ALDH8A1: variants seen among roughly 807,000 people sequenced by gnomAD.
ALDH8A1 encodes the protein aldehyde dehydrogenase 8 family member A1.
Under a neutral mutation model 43.3 loss-of-function variants are expected in ALDH8A1, and 39 were observed. The observed-to-expected ratio is 0.90, with a 90% CI of 0.70 to 1.18. ALDH8A1 has a LOEUF of 1.18. ALDH8A1 is among the 50% of genes most tolerant of loss of function. The probability of loss-of-function intolerance (pLI) is 0.00; values close to 1 mark genes in which losing one functional copy is unlikely to be tolerated. For missense variants in ALDH8A1, 605 were observed against 622.6 expected (o/e 0.97, Z 0.30); for synonymous variants, 233 against 243.5 (o/e 0.96, Z 0.40).
intron 4 of ALDH8A1, 57 bp downstream of exon 4, chr6:134,939,209 T>A (rs539143702): frequency 6.3e-7 from 1 of 1,589,750 alleles, no homozygotes; most frequent in East Asian, 2.3e-5. Flanking sequence ...AAGATTTCTA[T>A]AAACTATAGG....
rs765436859 is a variant in ALDH8A1 at position 134,918,516 on chromosome 6, G to C, written c.1363C>G (p.Leu455Val). Residue 455 changes from leucine to valine, a missense_variant, in exon 7 of 7, where the codon CTT becomes GTT. By Grantham distance (32) the Leu-to-Val change is conservative. Coordinates refer to ENST00000265605, the MANE Select transcript of ALDH8A1 (RefSeq NM_022568.4). ...GAACTCTTCATCCCCCCGAAAGGAA[G>C]GTTCAGCTCCCTGATGAGCCAGCAG... ...TNCWLIRELN[L>V]PFGGMKSSGI... The C allele has an allele frequency of 1.2e-6, 2 of 1,614,192 alleles. No individual in the cohort carries two copies. Among genetic ancestry groups the C allele is most frequent in the Non-Finnish European group, 1.7e-6 (2 of 1,180,036 alleles).
chr6:134,936,769 C>T (rs1178885100), intron 4 of ALDH8A1, among the ~76,000 whole-genome samples: 1 of 152,186 alleles, frequency 6.6e-6, no homozygotes, highest in Non-Finnish European at 1.5e-5. Flanking sequence ...CATTATTTCT[C>T]AGTACCATTT....
At chr6:134,936,148 A>G (rs572321575) in intron 4 of ALDH8A1, among the ~76,000 whole-genome samples, 112 of 152,284 alleles carry the variant, frequency 7.4e-4, no homozygotes, top group African/African-American at 2.6e-3. Context: ...ATGGGATTTC[A>G]CCACGTTAGC....
intron 1 of ALDH8A1, among the ~76,000 whole-genome samples, 183 bp downstream of exon 1, chr6:134,949,733 G>T (rs929271677): frequency 6.6e-6 from 1 of 152,148 alleles, no homozygotes; most frequent in African/African-American, 2.4e-5. Flanking sequence ...TATAGGAAGA[G>T]ATTTGTTCTA....
chr6:134,933,998 C>T (rs1055127809), intron 4 of ALDH8A1, among the ~76,000 whole-genome samples: 11 of 152,134 alleles, frequency 7.2e-5, no homozygotes, highest in African/African-American at 1.7e-4. Flanking sequence ...CATGAGCCAC[C>T]GCGCCCAGCC....
chr6:134,942,199 G>A (rs1029918810), intron 3 of ALDH8A1: 25 of 494,478 alleles, frequency 5.1e-5, no homozygotes, highest in African/African-American at 5.9e-5. Context: ...CAGCCTGGGC[G>A]ACAGAGCAAG....
chr6:134,919,746 G>T (rs1342196648), intron 6 of ALDH8A1, among the ~76,000 whole-genome samples: 1 of 152,054 alleles, frequency 6.6e-6, no homozygotes, highest in Non-Finnish European at 1.5e-5. Context: ...TAATATTTTG[G>T]ATTTTTACTT....
At chr6:134,924,559 A>C (rs1562251580) in intron 6 of ALDH8A1, among the ~76,000 whole-genome samples, 1 of 152,236 alleles carries the variant, frequency 6.6e-6, no homozygotes, top group Non-Finnish European at 1.5e-5. Context: ...GGCTATGCCC[A>C]GAATCCATCA....
chr6:134,929,271 C>T, intron 5 of ALDH8A1, 56 bp from the exon 6 acceptor site: 1 of 1,574,634 alleles, frequency 6.4e-7, no homozygotes, highest in South Asian at 1.2e-5. Context: ...ATGGATAGAG[C>T]ACCCTGCACT....
intron 5 of ALDH8A1, among the ~76,000 whole-genome samples, chr6:134,930,672 T>C (rs2114689100): frequency 6.6e-6 from 1 of 152,324 alleles, no homozygotes; most frequent in African/African-American, 2.4e-5. Context: ...GGGAAATGTC[T>C]AAACACTTGA....
At chr6:134,927,154 T>C (rs1776897590) in intron 6 of ALDH8A1, among the ~76,000 whole-genome samples, 1 of 152,192 alleles carries the variant, frequency 6.6e-6, no homozygotes, top group African/African-American at 2.4e-5. Context: ...GGTGAGGGCA[T>C]GTTGCCTATG....
chr6:134,945,577 C>G (rs879269715), intron 1 of ALDH8A1, among the ~76,000 whole-genome samples: 1 of 152,168 alleles, frequency 6.6e-6, no homozygotes, highest in Non-Finnish European at 1.5e-5. Flanking sequence ...CCAGAGATGA[C>G]AAATCCCTAA....
chr6:134,943,598 G>C (rs1773899012), intron 2 of ALDH8A1, among the ~76,000 whole-genome samples: 1 of 152,134 alleles, frequency 6.6e-6, no homozygotes, highest in Non-Finnish European at 1.5e-5. Context: ...CTCAGCTTTT[G>C]GATCCAGCCA....
intron 5 of ALDH8A1, among the ~76,000 whole-genome samples, chr6:134,929,572 G>A (rs1245454086): frequency 6.6e-6 from 1 of 152,156 alleles, no homozygotes; most frequent in Non-Finnish European, 1.5e-5. Flanking sequence ...CTTGACTGAT[G>A]TGAAGGCATG....
intron 3 of ALDH8A1, chr6:134,941,545 C>T (rs1335603441): frequency 1.3e-5 from 2 of 152,290 alleles, no homozygotes; most frequent in African/African-American, 4.8e-5. Context: ...CCCGCCACCA[C>T]ATCCAGCTAA....
chr6:134,929,949 T>A (rs764384435), intron 5 of ALDH8A1, among the ~76,000 whole-genome samples: 9 of 152,136 alleles, frequency 5.9e-5, no homozygotes, highest in Non-Finnish European at 1.3e-4. Flanking sequence ...TAAGAGAATA[T>A]TCCAGAAGTC....
intron 6 of ALDH8A1, among the ~76,000 whole-genome samples, chr6:134,927,951 C>T (rs1776914005): frequency 6.6e-6 from 1 of 152,190 alleles, no homozygotes; most frequent in African/African-American, 2.4e-5. Flanking sequence ...GAAGGACCAT[C>T]CACAACTGTT....
chr6:134,943,290 A>C (rs1773891910), intron 2 of ALDH8A1, among the ~76,000 whole-genome samples: 1 of 152,224 alleles, frequency 6.6e-6, no homozygotes, highest in East Asian at 1.9e-4. Context: ...TTATCTTAAC[A>C]GATATTCTTG....
chr6:134,937,351 C>T (rs1773759184), intron 4 of ALDH8A1, among the ~76,000 whole-genome samples: 1 of 152,188 alleles, frequency 6.6e-6, no homozygotes, highest in African/African-American at 2.4e-5. Flanking sequence ...AGATGTGGTT[C>T]GCATTCCTTC....
Sources: gnomAD v4.1 joint callset for allele counts (sites outside exome capture counted in the v4.1 genomes callset) on GRCh38, gnomAD v4.1.1 for gene constraint, MANE v1.5 for transcripts, NCBI Gene and HGNC (gene_info 2026-07-23, HGNC 2026-07-21) for gene names.